The following CDIN1 variants were observed in gnomAD, a reference collection of about 807,000 sequenced individuals.
The protein encoded by CDIN1 is CDAN1-interacting nuclease 1.
A neutral mutation model predicts 45.3 loss-of-function variants in CDIN1; 33 were observed. The ratio of observed to expected loss-of-function variants is 0.73; its 90% CI spans 0.55 to 0.97. The LOEUF is 0.97. Among genes scored for constraint, CDIN1 ranks in the 50% least tolerant of loss-of-function variants. The probability of loss-of-function intolerance (pLI) is 0.00; values close to 1 mark genes in which losing one functional copy is unlikely to be tolerated. For synonymous variants in CDIN1, 118 were observed against 124.4 expected, an observed-to-expected ratio of 0.95 and a Z score of 0.34; for missense variants, 303 against 339.4, an observed-to-expected ratio of 0.89 and a Z score of 0.84.
At chr15:36,667,015 C>A (rs2041273695) in intron 5 of CDIN1, among the ~76,000 whole-genome samples, 1 of 152,150 alleles carries the variant, frequency 6.6e-6, no homozygotes, top group Non-Finnish European at 1.5e-5. Context: ...TGCTGCAGGT[C>A]ATGCAGTGAG....
At chr15:36,679,922 C>T (rs924286306) in intron 5 of CDIN1, among the ~76,000 whole-genome samples, 2 of 152,200 alleles carry the variant, frequency 1.3e-5, no homozygotes, top group African/African-American at 4.8e-5. Context: ...AGCAAATTGT[C>T]TCCACTGAGC....
chr15:36,599,122 T>TGG lies in CDIN1; in HGVS notation c.101+19163_101+19164dup, dbSNP rs1237705709. ...AGCATACTTGCTTTTTTTTTTTTTT[T>TGG]GGGAGGGGAGCAGTACTGTTCTAAC... On this transcript the variant is annotated intron_variant, in intron 1 of 10. Coordinates refer to ENST00000566621, the MANE Select transcript of CDIN1 (RefSeq NM_001321759.2). Among the ~76,000 whole-genome samples, 225 of 147,792 alleles carry TGG rather than the reference T, an allele frequency of 1.5e-3. 1 individual carries two copies. The highest frequency in any genetic ancestry group is 5.4e-3 in the African/African-American group (214 of 39,312).
chr15:36,634,835 C>A (rs2039828797), intron 1 of CDIN1, among the ~76,000 whole-genome samples: 1 of 152,194 alleles, frequency 6.6e-6, no homozygotes, highest in Admixed American at 6.5e-5. Context: ...TTGATACATA[C>A]CACCATTGCT....
intron 10 of CDIN1, among the ~76,000 whole-genome samples, chr15:36,763,358 T>G (rs2141003832): frequency 6.6e-6 from 1 of 152,306 alleles, no homozygotes; most frequent in Middle Eastern, 3.4e-3. Context: ...CTTGTAAATT[T>G]GTTTGAGTTG....
intron 1 of CDIN1, among the ~76,000 whole-genome samples, chr15:36,630,690 C>T (rs1193156945): frequency 2.6e-5 from 4 of 152,166 alleles, no homozygotes; most frequent in South Asian, 2.1e-4. Context: ...TTACTTGGCT[C>T]ACAGTTCTAC....
rs147255087 is a variant in CDIN1 at position 36,670,692 on chromosome 15, A to G, written c.346+12787A>G. 6.3e-3 allele frequency among the ~76,000 whole-genome samples: 957 copies of G among 152,204 alleles called. 7 individuals are homozygous for G. The highest frequency in any genetic ancestry group is 0.022 in the African/African-American group (907 of 41,542). ...AAGGTATGGATGGTAAGAATTTCCT[A>G]TAGCCTTTTTACTTGACTTATTTTT... On this transcript the variant is annotated intron_variant, in intron 5 of 10. Coordinates refer to ENST00000566621, the MANE Select transcript of CDIN1 (RefSeq NM_001321759.2).
intron 10 of CDIN1, among the ~76,000 whole-genome samples, chr15:36,745,555 A>G (rs1313655955): frequency 1.3e-5 from 2 of 152,128 alleles, no homozygotes; most frequent in African/African-American, 2.4e-5. Context: ...TAATATTATT[A>G]TATTATTGAT....
intron 10 of CDIN1, among the ~76,000 whole-genome samples, chr15:36,777,572 AC>A (rs1255290834): frequency 6.6e-6 from 1 of 152,188 alleles, no homozygotes; most frequent in Non-Finnish European, 1.5e-5. Flanking sequence ...CCCCTACTGT[AC>A]ACCAGACTCT....
chr15:36,762,288 G>T (rs1406923450), intron 10 of CDIN1, among the ~76,000 whole-genome samples: 1 of 152,080 alleles, frequency 6.6e-6, no homozygotes, highest in Non-Finnish European at 1.5e-5. Context: ...TTCTTGGTAA[G>T]GAATCCCTGA....
At chr15:36,669,291 C>T (rs555425888) in intron 5 of CDIN1, among the ~76,000 whole-genome samples, 10 of 152,144 alleles carry the variant, frequency 6.6e-5, no homozygotes, top group African/African-American at 2.2e-4. Context: ...GTATCTTATA[C>T]TTCTGGAATT....
intron 1 of CDIN1, among the ~76,000 whole-genome samples, chr15:36,636,346 A>G (rs1442159314): frequency 1.3e-5 from 2 of 152,070 alleles, no homozygotes; most frequent in Non-Finnish European, 2.9e-5. Flanking sequence ...AGGTCAGGAG[A>G]TCGAGACCAT....
intron 1 of CDIN1, among the ~76,000 whole-genome samples, chr15:36,587,485 A>G (rs1408595467): frequency 6.6e-6 from 1 of 152,024 alleles, no homozygotes; most frequent in East Asian, 1.9e-4. Flanking sequence ...TTGGTGGTGA[A>G]CTTAGGAGTC....
intron 8 of CDIN1, among the ~76,000 whole-genome samples, chr15:36,699,177 A>G (rs73381760): frequency 0.033 from 5,100 of 152,240 alleles, 303 homozygotes; most frequent in African/African-American, 0.12. Context: ...TTCCTCATCA[A>G]CCTATAAAGA....
intron 10 of CDIN1, among the ~76,000 whole-genome samples, chr15:36,750,170 A>G (rs964422856): frequency 6.6e-6 from 1 of 152,138 alleles, no homozygotes; most frequent in Non-Finnish European, 1.5e-5. Context: ...TATGACTGTC[A>G]TCTTAAAATT....
intron 10 of CDIN1, among the ~76,000 whole-genome samples, chr15:36,717,625 C>G (rs549455928): frequency 1.3e-5 from 2 of 152,110 alleles, no homozygotes; most frequent in African/African-American, 4.8e-5. Flanking sequence ...CTGATCTGAA[C>G]AGTTTTGTAA....
intron 1 of CDIN1, among the ~76,000 whole-genome samples, chr15:36,589,696 G>A (rs1318798620): frequency 1.3e-5 from 2 of 152,058 alleles, no homozygotes; most frequent in Admixed American, 6.5e-5. Context: ...AGTAGAGACG[G>A]GGTTTCACCG....
At chr15:36,801,557 G>A (rs561851355) in intron 10 of CDIN1, among the ~76,000 whole-genome samples, 1 of 152,240 alleles carries the variant, frequency 6.6e-6, no homozygotes, top group South Asian at 2.1e-4. Context: ...TAGACCCGTT[G>A]CTTCCCTCAG....
intron 8 of CDIN1, chr15:36,706,975 C>T (rs573890084): frequency 6.6e-6 from 1 of 152,174 alleles, no homozygotes; most frequent in East Asian, 1.9e-4. Context: ...ACAAGGCCAC[C>T]TGTTTCGAAA....
intron 10 of CDIN1, among the ~76,000 whole-genome samples, chr15:36,788,987 A>G (rs2054578361): frequency 1.3e-5 from 2 of 152,242 alleles, no homozygotes; most frequent in Non-Finnish European, 2.9e-5. Flanking sequence ...GTACCATACA[A>G]GCATAAATTG....
Sources: allele counts gnomAD v4.1 joint callset (sites outside exome capture counted in the v4.1 genomes callset), GRCh38; gene constraint gnomAD v4.1.1; transcripts MANE v1.5; gene names NCBI Gene and HGNC (gene_info 2026-07-23, HGNC 2026-07-21).